PHF14: variants seen among roughly 807,000 people sequenced by gnomAD.
The protein encoded by PHF14 is PHD finger protein 14.
A neutral mutation model predicts 117.9 loss-of-function variants in PHF14; 55 were observed. That is an observed-to-expected ratio of 0.47 (90% CI 0.38 to 0.58). The LOEUF (loss-of-function observed/expected upper bound fraction) is 0.58, where lower values mean the gene tolerates loss of function less well. Ranked by LOEUF, PHF14 falls within the 20% of genes least tolerant of loss-of-function variation. The probability of loss-of-function intolerance (pLI) is 0.00; values close to 1 mark genes in which losing one functional copy is unlikely to be tolerated. For missense variants in PHF14, 978 were observed against 1,122.2 expected, an observed-to-expected ratio of 0.87 and a Z score of 1.84; for synonymous variants, 409 against 368.6, an observed-to-expected ratio of 1.11 and a Z score of -1.26.
chr7:11,103,428 C>G (rs1283373238), intron 16 of PHF14: 8 of 981,142 alleles, frequency 8.2e-6, no homozygotes, highest in Non-Finnish European at 9.7e-6. Context: ...AAAGAAAGAT[C>G]TTCATCAACA....
chr7:11,168,546 GATT>G (rs1212044936), intron 17 of PHF14, among the ~76,000 whole-genome samples: 10 of 152,140 alleles, frequency 6.6e-5, no homozygotes, highest in African/African-American at 2.4e-4. Context: ...TGATATTGAT[GATT>G]ATTACTGTTG....
At position 11,040,751 on chromosome 7, in the gene PHF14, C is replaced by A. The variant is rs1784477392; in HGVS notation, c.2156C>A (p.Ser719Tyr). ...AAAGAAGGAGGCACACAAAAGACAT[C>A]TACTCTTCCTGCAGTACTTTATAGG... ...SKKEGGTQKT[S>Y]TLPAVLYSCG... Residue 719 changes from serine to tyrosine, a missense_variant, in exon 12 of 18, where the codon TCT (serine) becomes TAT (tyrosine). Coordinates refer to ENST00000634607, the MANE Select transcript of PHF14 (RefSeq NM_001007157.2). 1 of 1,553,284 alleles carries A rather than the reference C, an allele frequency of 6.4e-7. No homozygotes were observed. The highest frequency in any genetic ancestry group is 8.7e-7 in the Non-Finnish European group (1 of 1,144,850).
At position 10,982,575 on chromosome 7, in the gene PHF14, GA is replaced by G; in HGVS notation, c.320del (p.Asn107MetfsTer94). 6.8e-7 allele frequency: 1 copy of G among 1,471,174 alleles called. No homozygotes were observed. Among genetic ancestry groups the G allele is most frequent in the South Asian group, 1.2e-5 (1 of 80,204 alleles). The allele number at this position is 1,471,174 out of a possible 1,614,324, so 91.1% of individuals were successfully genotyped here. On this transcript the variant is annotated frameshift_variant, in exon 3 of 18. Coordinates refer to ENST00000634607, the MANE Select transcript of PHF14 (RefSeq NM_001007157.2). LOFTEE classifies it high-confidence loss of function. ...TAAAATGGAAAAGAAGGAAGAAGAA[GA>G]AAATGGAGAAAGACCTAGAAAGAAA... is the stretch of plus-strand genomic sequence containing the variant. ...LIKMEKKEEEENGERPRKKKE... is the reference protein window; with the variant it reads ...LIKMEKKEEEXNGERPRKKKE...
chr7:11,146,007 A>G (rs1788541116), intron 17 of PHF14, among the ~76,000 whole-genome samples: 1 of 152,090 alleles, frequency 6.6e-6, no homozygotes, highest in African/African-American at 2.4e-5. Flanking sequence ...TATTAATTAA[A>G]TTACATTATT....
intron 17 of PHF14, among the ~76,000 whole-genome samples, chr7:11,122,359 A>ATATATATATATG (rs1562476422): frequency 3.4e-4 from 39 of 115,202 alleles, no homozygotes; most frequent in African/African-American, 1.5e-3. Flanking sequence ...ATATACACAC[A>ATATATATATATG]CACACACACA....
At chr7:11,155,762 G>GTTTTTTTTTTTGT (rs74498732) in intron 17 of PHF14, among the ~76,000 whole-genome samples, 18 of 146,402 alleles carry the variant, frequency 1.2e-4, no homozygotes, top group African/African-American at 4.1e-4. Flanking sequence ...TATATACAAT[G>GTTTTTTTTTTTGT]TTTTTTTTTT....
chr7:11,013,714 C>T (rs776150902), intron 4 of PHF14, 33 bp from the exon 5 acceptor site: 14 of 1,219,602 alleles, frequency 1.1e-5, no homozygotes, highest in East Asian at 5.2e-5. Flanking sequence ...CAAAATAAAC[C>T]CTATTTAATC....
At position 10,997,663 on chromosome 7, in the gene PHF14, T is replaced by A. The variant is rs150336615; in HGVS notation, c.1045+6816T>A. Among the ~76,000 whole-genome samples the A allele has an allele frequency of 3.2e-4, 49 of 152,300 alleles. No homozygotes were observed. In the East Asian group the frequency reaches 9.1e-3, roughly 28 times the overall value. ...GGACCTGGAGGATTTGCTTCTAAGC[T>A]AAGTCAAATAGTTGTTGGTAGGCTT... On this transcript the variant is annotated intron_variant, in intron 4 of 17. Transcript: ENST00000634607.
At chr7:10,977,169 G>A (rs993618823) in intron 2 of PHF14, among the ~76,000 whole-genome samples, 1 of 151,758 alleles carries the variant, frequency 6.6e-6, no homozygotes, top group African/African-American at 2.4e-5. Flanking sequence ...TCCTATCACT[G>A]GTTTCCAAAC....
chr7:11,137,977 CAT>C (rs1788274135), intron 17 of PHF14, among the ~76,000 whole-genome samples: 2 of 151,748 alleles, frequency 1.3e-5, no homozygotes, highest in Non-Finnish European at 2.9e-5. Context: ...TGCATATAAA[CAT>C]AAACAGACCA....
chr7:11,081,386 TTATAA>T (rs763458266), intron 16 of PHF14, among the ~76,000 whole-genome samples: 16 of 152,200 alleles, frequency 1.1e-4, no homozygotes, highest in Non-Finnish European at 1.9e-4. Flanking sequence ...ATGGTGCTCA[TTATAA>T]TAGTGAAAAA....
chr7:11,070,921 T>G (rs1403213877), intron 16 of PHF14, among the ~76,000 whole-genome samples: 1 of 152,240 alleles, frequency 6.6e-6, no homozygotes, highest in Non-Finnish European at 1.5e-5. Flanking sequence ...GACATTTCTT[T>G]ACATAGTTCC....
rs896089290 is a variant in PHF14, at chr7:11,161,776, A to C, written c.2773-7640A>C. 4.7e-5 allele frequency among the ~76,000 whole-genome samples: 7 copies of C among 148,976 alleles called. 1 individual carries two copies. The highest frequency in any genetic ancestry group is 1.7e-4 in the African/African-American group (7 of 41,058). On this transcript the variant is annotated intron_variant, in intron 17 of 17. Transcript: ENST00000634607. ...TATTTAGATTTTAGATAACATTTTT[A>C]GATATTATTTTTGCCTAAATATTTC...
At chr7:11,106,929 A>G in intron 16 of PHF14, 1 of 984,162 alleles carries the variant, frequency 1.0e-6, no homozygotes, top group African/African-American at 1.7e-5. Flanking sequence ...TTGGCATAAA[A>G]GATAATGTGA....
intron 16 of PHF14, chr7:11,104,389 A>G (rs1390541446): frequency 3.1e-6 from 3 of 960,904 alleles, no homozygotes; most frequent in East Asian, 1.2e-4. Context: ...CTTTCTCCTA[A>G]TAATCTCTTA....
At chr7:11,018,083 T>A (rs1636757) in intron 5 of PHF14, among the ~76,000 whole-genome samples, 67,166 of 151,884 alleles carry the variant, frequency 0.44, 16,839 homozygotes, top group Middle Eastern at 0.57. Context: ...GGTGCGTGGA[T>A]TTGTTTCTGA....
At chr7:11,044,358 C>A (rs1010882710) in intron 13 of PHF14, among the ~76,000 whole-genome samples, 1 of 151,884 alleles carries the variant, frequency 6.6e-6, no homozygotes, top group African/African-American at 2.4e-5. Flanking sequence ...ATGTACATAG[C>A]CTGAGGTGTT....
chr7:11,093,862 C>G (rs1583459868), intron 16 of PHF14, among the ~76,000 whole-genome samples: 2 of 152,048 alleles, frequency 1.3e-5, no homozygotes, highest in South Asian at 4.1e-4. Flanking sequence ...GGGTAGGAGA[C>G]CTTTAAAAGT....
At chr7:11,116,638 A>G (rs367843700) in intron 17 of PHF14, among the ~76,000 whole-genome samples, 11 of 151,712 alleles carry the variant, frequency 7.3e-5, no homozygotes, top group African/African-American at 2.2e-4. Context: ...ATGGATACCT[A>G]CTTTGCTTGT....
Sources: gnomAD v4.1 joint callset for allele counts (sites outside exome capture counted in the v4.1 genomes callset) on GRCh38, gnomAD v4.1.1 for gene constraint, MANE v1.5 for transcripts, NCBI Gene and HGNC (gene_info 2026-07-23, HGNC 2026-07-21) for gene names.